The following PDE4D variants were observed in gnomAD, a reference collection of about 807,000 sequenced individuals.
The protein encoded by PDE4D is phosphodiesterase 4D.
PDE4D carries 24 observed loss-of-function variants against 87.4 expected under a neutral mutation model. The ratio of observed to expected loss-of-function variants is 0.27; its 90% confidence interval spans 0.20 to 0.39. PDE4D has a LOEUF of 0.39. Among genes scored for constraint, PDE4D ranks in the 10% least tolerant of loss-of-function variants. The probability of loss-of-function intolerance (pLI) is 1.00; values close to 1 mark genes in which losing one functional copy is unlikely to be tolerated. For missense variants in PDE4D, 714 were observed against 1,041.0 expected (o/e 0.69, Z 4.32); for synonymous variants, 384 against 383.2 (o/e 1.00, Z -0.02).
intron 1 of PDE4D, among the ~76,000 whole-genome samples, chr5:59,815,201 T>C (rs1175185685): frequency 6.6e-6 from 1 of 152,222 alleles, no homozygotes; most frequent in Non-Finnish European, 1.5e-5. Context: ...ACAGGAGAGC[T>C]GATGGGAGAC....
intron 1 of PDE4D, among the ~76,000 whole-genome samples, chr5:60,391,184 T>C (rs1489167125): frequency 6.6e-6 from 1 of 152,162 alleles, no homozygotes; most frequent in Non-Finnish European, 1.5e-5. Flanking sequence ...CAAGTAGATG[T>C]GCAATAAATG....
chr5:59,461,588 A>C (rs1344454880), intron 1 of PDE4D, among the ~76,000 whole-genome samples: 1 of 152,178 alleles, frequency 6.6e-6, no homozygotes, highest in East Asian at 1.9e-4. Flanking sequence ...CAAGTTAATA[A>C]AAGCCTAGAC....
At chr5:60,373,173 AT>A (rs1761170190) in intron 1 of PDE4D, among the ~76,000 whole-genome samples, 3 of 152,206 alleles carry the variant, frequency 2.0e-5, no homozygotes, top group Non-Finnish European at 4.4e-5. Context: ...GTTGAGGTTC[AT>A]TTGGTTGGTT....
At position 58,976,481 on chromosome 5, in the gene PDE4D, A is replaced by ATAGAG. The variant is rs762500067; in HGVS notation, c.1708-14_1708-10dup. ...ATATCTGTTGCAAGTACCTTAAAAT[A>ATAGAG]TAGAGTATATTATTAAGTTCAGAGA... is the stretch of plus-strand genomic sequence containing the variant. On this transcript the variant is annotated splice_polypyrimidine_tract_variant and intron_variant, in intron 12 of 14. Transcript: ENST00000340635. 13 of 1,537,618 alleles carry ATAGAG rather than the reference A, an allele frequency of 8.5e-6. No homozygotes were observed. In the Admixed American group the frequency reaches 9.7e-5, roughly 12 times the overall value.
At chr5:60,223,473 T>A (rs1050156874) in intron 1 of PDE4D, among the ~76,000 whole-genome samples, 1 of 152,078 alleles carries the variant, frequency 6.6e-6, no homozygotes, top group African/African-American at 2.4e-5. Flanking sequence ...TTCTCTATTG[T>A]AAGGCAGAAG....
intron 1 of PDE4D, among the ~76,000 whole-genome samples, chr5:59,792,402 CTGTGTGTGTGTGTGTGTG>C (rs3062592): frequency 7.2e-6 from 1 of 138,776 alleles, no homozygotes; most frequent in African/African-American, 2.8e-5. Context: ...CTCCAAGAAG[CTGTGTGTGTGTGTGTGTG>C]TGTGTGTGTG....
chr5:59,274,195 A>G (rs1764372373), intron 1 of PDE4D, among the ~76,000 whole-genome samples: 1 of 152,132 alleles, frequency 6.6e-6, no homozygotes, highest in Non-Finnish European at 1.5e-5. Context: ...AAATAAACTC[A>G]AGGAATAATT....
At chr5:59,102,081 C>CTTTT (rs34811771) in intron 5 of PDE4D, among the ~76,000 whole-genome samples, 48 of 96,152 alleles carry the variant, frequency 5.0e-4, no homozygotes, top group South Asian at 7.3e-4. Context: ...TTTTTCCCTA[C>CTTTT]TTTTTTTTTT....
chr5:59,358,659 G>A (rs898545725), intron 1 of PDE4D, among the ~76,000 whole-genome samples: 2 of 152,052 alleles, frequency 1.3e-5, no homozygotes, highest in Admixed American at 6.6e-5. Context: ...GCCAGACAGT[G>A]TAAGATAACT....
At chr5:59,502,978 T>C (rs963999694) in intron 1 of PDE4D, among the ~76,000 whole-genome samples, 2 of 151,744 alleles carry the variant, frequency 1.3e-5, no homozygotes, top group South Asian at 2.1e-4. Context: ...ATTTTTAAAA[T>C]TGTCATTTAA....
chr5:59,459,288 C>T (rs1800391170), intron 1 of PDE4D, among the ~76,000 whole-genome samples: 1 of 152,144 alleles, frequency 6.6e-6, no homozygotes, highest in Non-Finnish European at 1.5e-5. Flanking sequence ...AAGCAACTTT[C>T]TGAGAGGCGA....
intron 1 of PDE4D, among the ~76,000 whole-genome samples, chr5:60,435,845 T>C (rs1259896157): frequency 2.6e-5 from 4 of 152,094 alleles, no homozygotes; most frequent in Non-Finnish European, 5.9e-5. Flanking sequence ...TTAGGACAAG[T>C]TGAGTGTTCT....
At chr5:60,218,638 G>A (rs1191082085) in intron 1 of PDE4D, among the ~76,000 whole-genome samples, 1 of 152,060 alleles carries the variant, frequency 6.6e-6, no homozygotes, top group African/African-American at 2.4e-5. Context: ...TGGAAAGTCT[G>A]TGATATGACT....
At chr5:59,676,726 T>C (rs773969433) in intron 1 of PDE4D, among the ~76,000 whole-genome samples, 22 of 152,348 alleles carry the variant, frequency 1.4e-4, no homozygotes, top group Non-Finnish European at 2.8e-4. Flanking sequence ...ATACAATGCA[T>C]AGTGATCAGA....
chr5:60,085,659 G>A (rs1167037988), intron 2 of PDE4D, among the ~76,000 whole-genome samples: 1 of 152,176 alleles, frequency 6.6e-6, no homozygotes, highest in Non-Finnish European at 1.5e-5. Context: ...TCATGACGAG[G>A]TGAGTCTCTG....
At chr5:60,356,416 C>T (rs77907896) in intron 1 of PDE4D, among the ~76,000 whole-genome samples, 2,828 of 152,246 alleles carry the variant, frequency 0.019, 76 homozygotes, top group African/African-American at 0.065. Flanking sequence ...CTGCCTTGGG[C>T]TGCAGTTGTT....
At chr5:59,922,527 AG>A (rs2152779595) in intron 3 of PDE4D, among the ~76,000 whole-genome samples, 1 of 152,252 alleles carries the variant, frequency 6.6e-6, no homozygotes, top group East Asian at 2.0e-4. Flanking sequence ...ATGGTAGGAT[AG>A]GGCAAAAGGC....
intron 2 of PDE4D, among the ~76,000 whole-genome samples, chr5:60,122,482 A>G (rs755959567): frequency 7.2e-5 from 11 of 152,228 alleles, no homozygotes; most frequent in Non-Finnish European, 1.0e-4. Flanking sequence ...TGAACACCAC[A>G]TGGAAGATGC....
At chr5:59,015,036 T>C (rs1753691616) in intron 6 of PDE4D, among the ~76,000 whole-genome samples, 1 of 152,170 alleles carries the variant, frequency 6.6e-6, no homozygotes, top group South Asian at 2.1e-4. Context: ...GATTCCCTAT[T>C]TAATAAATGG....
Sources: allele counts gnomAD v4.1 joint callset (sites outside exome capture counted in the v4.1 genomes callset), GRCh38; gene constraint gnomAD v4.1.1; transcripts MANE v1.5; gene names NCBI Gene and HGNC (gene_info 2026-07-23, HGNC 2026-07-21).